GRIK3: variants seen among roughly 807,000 people sequenced by gnomAD.
The protein encoded by GRIK3 is glutamate ionotropic receptor kainate type subunit 3.
A neutral mutation model predicts 102.5 loss-of-function variants in GRIK3; 29 were observed. The ratio of observed to expected loss-of-function variants is 0.28; its 90% CI spans 0.21 to 0.39. The LOEUF (loss-of-function observed/expected upper bound fraction) is 0.39, where lower values mean the gene tolerates loss of function less well. Among genes scored for constraint, GRIK3 ranks in the 10% least tolerant of loss-of-function variants. GRIK3 has a pLI of 1.00. For synonymous variants in GRIK3, 511 were observed against 504.9 expected, an observed-to-expected ratio of 1.01 and a Z score of -0.16; for missense variants, 908 against 1,252.4, an observed-to-expected ratio of 0.73 and a Z score of 4.15.
At chr1:36,891,623 A>G (rs1331846739) in intron 1 of GRIK3, among the ~76,000 whole-genome samples, 1 of 152,226 alleles carries the variant, frequency 6.6e-6, no homozygotes, top group Admixed American at 6.5e-5. Context: ...AAACTTTTTT[A>G]GCTTAAATCA....
chr1:36,912,961 T>A (rs969242417), intron 1 of GRIK3, among the ~76,000 whole-genome samples: 1 of 152,198 alleles, frequency 6.6e-6, no homozygotes, highest in Admixed American at 6.5e-5. Context: ...CTGTAATGAT[T>A]ATGCACAGCC....
chr1:37,013,004 AC>A lies in GRIK3; in HGVS notation c.115+20989del, dbSNP rs1207527306. Among the ~76,000 whole-genome samples, 4 of 152,162 alleles carry A rather than the reference AC, an allele frequency of 2.6e-5. No homozygotes were observed. The South Asian group carries it at 6.2e-4, about 24-fold the overall frequency. On this transcript the variant is annotated intron_variant, in intron 1 of 15. Transcript: ENST00000373091. ...GTTTTCACACTGCTGATAAACACAT[AC>A]CCGAGACTGGGTAATTTATAAAGAA... is the stretch of plus-strand genomic sequence containing the variant.
chr1:36,917,701 AAGTCCAT>A (rs1641418015), intron 1 of GRIK3, among the ~76,000 whole-genome samples: 1 of 152,256 alleles, frequency 6.6e-6, no homozygotes. Context: ...ATGGAACTGT[AAGTCCAT>A]TAAACCTCTT....
In GRIK3 at chr1:36,872,114, C is replaced by T; in HGVS notation, c.732+74G>A. On this transcript the variant is annotated intron_variant, in intron 4 of 15. Coordinates refer to ENST00000373091, the MANE Select transcript of GRIK3 (RefSeq NM_000831.4). This position sits in a 1 kb window ranked among gnomAD's most constrained non-coding sequence, Gnocchi z 5.9. ...CTTAGATCTGGCAGCATCACACCCA[C>T]ATTTGGGAAGGGGACGTGGGAGAAG... 1.5e-6 allele frequency: 2 copies of T among 1,376,870 alleles called. No individual in the cohort carries two copies. The highest frequency in any genetic ancestry group is 2.0e-6 in the Non-Finnish European group (2 of 1,011,892). 85.3% of individuals were successfully genotyped at this position (1,376,870 alleles called of 1,614,324 possible).
intron 1 of GRIK3, among the ~76,000 whole-genome samples, chr1:36,939,360 A>C (rs1029849084): frequency 1.3e-5 from 2 of 152,248 alleles, no homozygotes; most frequent in African/African-American, 4.8e-5. Context: ...TTGGCTTTGC[A>C]TACTCACAAG....
intron 10 of GRIK3, among the ~76,000 whole-genome samples, chr1:36,831,859 C>T (rs1473899751): frequency 6.6e-6 from 1 of 152,214 alleles, no homozygotes; most frequent in Non-Finnish European, 1.5e-5. Flanking sequence ...TTACACTGTC[C>T]TCCCCATCTC....
chr1:36,992,769 A>T (rs1642376879), intron 1 of GRIK3, among the ~76,000 whole-genome samples: 1 of 152,208 alleles, frequency 6.6e-6, no homozygotes, highest in African/African-American at 2.4e-5. Context: ...TCCATGCATC[A>T]GCTCAGCAGA....
chr1:37,028,111 A>C (rs1424379748), intron 1 of GRIK3, among the ~76,000 whole-genome samples: 5 of 152,216 alleles, frequency 3.3e-5, no homozygotes, highest in Non-Finnish European at 7.3e-5. Flanking sequence ...TAAGGAAGGA[A>C]AACGGGAAGT....
intron 1 of GRIK3, among the ~76,000 whole-genome samples, chr1:36,915,799 C>A (rs1157124828): frequency 4.6e-5 from 7 of 152,180 alleles, no homozygotes; most frequent in Admixed American, 1.3e-4. Context: ...ACTGTAAGTG[C>A]ATTAAACGTC....
intron 1 of GRIK3, among the ~76,000 whole-genome samples, chr1:36,932,046 T>G (rs531601653): frequency 5.8e-4 from 88 of 152,236 alleles, no homozygotes; most frequent in African/African-American, 1.8e-3. Flanking sequence ...TTCATTACCC[T>G]CTCCCCTTCC....
chr1:37,001,373 T>A (rs1010829019), intron 1 of GRIK3, among the ~76,000 whole-genome samples: 1 of 152,194 alleles, frequency 6.6e-6, no homozygotes, highest in Non-Finnish European at 1.5e-5. Context: ...ATTCAATAAC[T>A]CCATACATTA....
chr1:36,886,174 C>T (rs1274422289), intron 2 of GRIK3, among the ~76,000 whole-genome samples: 3 of 152,058 alleles, frequency 2.0e-5, no homozygotes, highest in Non-Finnish European at 4.4e-5. Context: ...AGAGAAAGTC[C>T]ATTTTAACAG....
chr1:36,891,835 C>T (rs1641120428), intron 1 of GRIK3, among the ~76,000 whole-genome samples: 1 of 152,068 alleles, frequency 6.6e-6, no homozygotes, highest in Admixed American at 6.6e-5. Flanking sequence ...AACATGAAAA[C>T]AAGTAGGAGC....
At chr1:36,802,236 C>T (rs1401674257) in intron 15 of GRIK3, among the ~76,000 whole-genome samples, 191 bp from the exon 16 acceptor site, 2 of 152,216 alleles carry the variant, frequency 1.3e-5, no homozygotes, top group African/African-American at 4.8e-5. Flanking sequence ...CAAAACCTGA[C>T]ATTCTTGTTT....
Position 36,825,644 on chromosome 1 carries a change from G to A in GRIK3, c.1713C>T (p.Leu571=), listed in dbSNP as rs112052462. 18 of 1,607,576 alleles carry A rather than the reference G, an allele frequency of 1.1e-5. No homozygotes were observed. The African/African-American group carries it at 1.3e-4, about 12-fold the overall frequency. Reference sequence around the variant, plus strand: ...GGACACAGCTGACCCCCAGGTAGGCGAGGAGAACATACATCCAGATGTCTG... The same window carrying A: ...GGACACAGCTGACCCCCAGGTAGGCAAGGAGAACATACATCCAGATGTCTG... The part of the protein sequence containing the change: ...LSPDIWMYVL[L]AYLGVSCVLF... Residue 571 remains leucine (L), a synonymous_variant, in exon 11 of 16, where the codon CTC becomes CTT. Transcript: ENST00000373091.
chr1:36,895,349 C>A (rs986428106), intron 1 of GRIK3, among the ~76,000 whole-genome samples: 2 of 151,464 alleles, frequency 1.3e-5, no homozygotes, highest in African/African-American at 4.9e-5. Context: ...AAATTCAAAA[C>A]AACTATGATT....
intron 11 of GRIK3, 42 bp downstream of exon 11, chr1:36,825,561 C>T: frequency 2.8e-6 from 4 of 1,417,902 alleles, no homozygotes; most frequent in Non-Finnish European, 3.8e-6. Flanking sequence ...ACCCCTAGAC[C>T]TTCAACCTTG....
At position 36,880,136 on chromosome 1, in the gene GRIK3, A is replaced by G. The variant is rs1462035200; in HGVS notation, c.550+498T>C. Among the ~76,000 whole-genome samples the G allele has an allele frequency of 6.6e-6, 1 of 152,226 alleles. No individual in the cohort carries two copies. The highest frequency in any genetic ancestry group is 1.9e-4 in the East Asian group (1 of 5,186). The stretch of plus-strand genomic sequence containing the variant: ...TACATTTTATAGGAAACTGAGGCAC[A>G]AAGAGGCTACTCAGCCAGCAGGTGA... On this transcript the variant is annotated intron_variant, in intron 3 of 15. Coordinates refer to ENST00000373091, the MANE Select transcript of GRIK3 (RefSeq NM_000831.4). This position sits in a 1 kb window ranked among gnomAD's most constrained non-coding sequence, Gnocchi z 5.4.
rs1455144267 is a variant in GRIK3 at position 36,853,591 on chromosome 1, C to T, written c.1212+24G>A. 3.4e-6 allele frequency: 5 copies of T among 1,478,768 alleles called. No homozygotes were observed. In the Admixed American group the frequency reaches 5.0e-5, roughly 15 times the overall value. The allele number at this position is 1,478,768 out of a possible 1,614,324, so 91.6% of individuals were successfully genotyped here. ...AAGAAGCCCCTGCTCCTCCGCCTGC[C>T]CTCCCTCTCCTGAGACCACGCACCT... On this transcript the variant is annotated intron_variant, in intron 8 of 15. Coordinates refer to ENST00000373091, the MANE Select transcript of GRIK3 (RefSeq NM_000831.4).
Sources: allele counts gnomAD v4.1 joint callset (sites outside exome capture counted in the v4.1 genomes callset), GRCh38; gene constraint gnomAD v4.1.1; non-coding constraint Gnocchi (gnomAD v3.1); transcripts MANE v1.5; gene names NCBI Gene and HGNC (gene_info 2026-07-23, HGNC 2026-07-21).